Variants in GLS2 observed in about 807,000 individuals in gnomAD.
GLS2 encodes glutaminase liver isoform, mitochondrial.
In GLS2, 52 loss-of-function variants were observed where a neutral mutation model predicts 79.0. The observed-to-expected ratio is 0.66, with a 90% CI of 0.53 to 0.83. GLS2 has a LOEUF of 0.83. Among genes scored for constraint, GLS2 ranks in the 40% least tolerant of loss-of-function variants. The pLI is 0.00. For missense variants in GLS2, 561 were observed against 764.8 expected (o/e 0.73, Z 3.14); for synonymous variants, 238 against 280.8 (o/e 0.85, Z 1.52).
Position 56,488,130 on chromosome 12 carries a change from C to T in GLS2, c.-12G>A. On this transcript the variant is annotated 5_prime_UTR_variant, in exon 1 of 18. Coordinates refer to ENST00000311966, the MANE Select transcript of GLS2 (RefSeq NM_013267.4). ...TTCATGGAGCGCATGCCCCAGCAAG[C>T]CTCCGGCTCTGCAGGTGCGCCCGGG... 1 of 1,522,958 alleles carries T rather than the reference C, an allele frequency of 6.6e-7. No homozygotes were observed. Among genetic ancestry groups the T allele is most frequent in the Non-Finnish European group, 8.7e-7 (1 of 1,144,078 alleles). 94.3% of individuals were successfully genotyped at this position (1,522,958 alleles called of 1,614,324 possible).
At position 56,478,189 on chromosome 12, in the gene GLS2, C is replaced by G; in HGVS notation, c.608G>C (p.Gly203Ala). The G allele has an allele frequency of 1.2e-6, 2 of 1,614,226 alleles. No homozygotes were observed. Among genetic ancestry groups the G allele is most frequent in the South Asian group, 2.2e-5 (2 of 91,086 alleles). The change falls in exon 5 of 18, where the codon GGT (glycine) becomes GCT (alanine). Residue 203 changes from glycine to alanine, a missense_variant. Physicochemically the swap from Gly to Ala is moderately conservative, Grantham distance 60. Around this residue, in one of 4 missense-constraint regions of GLS2, gnomAD observed 221 missense variants for 275.6 expected, o/e 0.80. Coordinates refer to ENST00000311966, the MANE Select transcript of GLS2 (RefSeq NM_013267.4). Reference protein sequence around the residue: ...LWGVSLCTVDGQRHSVGHTKI... With the variant: ...LWGVSLCTVDAQRHSVGHTKI... ...CTCTTGCCCAGCATCTCACCGTTGA[C>G]CATCCACAGTGCACAGGGAGACACC... is the stretch of plus-strand genomic sequence containing the variant.
intron 1 of GLS2, 144 bp downstream of exon 1, chr12:56,487,793 C>A: frequency 1.9e-6 from 2 of 1,026,728 alleles, no homozygotes; most frequent in Non-Finnish European, 2.7e-6. Context: ...CAAAGCCCCA[C>A]ATCCAAAGGA....
chr12:56,471,889 G>T, intron 16 of GLS2, 53 bp from the exon 17 acceptor site: 1 of 1,571,474 alleles, frequency 6.4e-7, no homozygotes, highest in Non-Finnish European at 8.8e-7. Flanking sequence ...GAACCCTTTG[G>T]TGCAGACACT....
chr12:56,472,721 C>G lies in GLS2; in HGVS notation c.1480G>C (p.Ala494Pro). Residue 494 changes from alanine (A) to proline (P), a missense_variant, in exon 15 of 18, where the codon GCC (alanine) becomes CCC (proline). Coordinates refer to ENST00000311966, the MANE Select transcript of GLS2 (RefSeq NM_013267.4). ...AGAGCTGAGACATCGCCACTATAGG[C>G]AGCAAATAACAGGTTGACCACAGTC... ...NKTVVNLLFA[A>P]YSGDVSALRR... The G allele has an allele frequency of 1.9e-6, 3 of 1,613,830 alleles. No individual in the cohort carries two copies. The highest frequency in any genetic ancestry group is 2.5e-6 in the Non-Finnish European group (3 of 1,179,906).
At position 56,475,904 on chromosome 12, in the gene GLS2, T is replaced by C. The variant is rs370909086; in HGVS notation, c.870+41A>G. 1.2e-5 allele frequency: 19 copies of C among 1,610,842 alleles called. No homozygotes were observed. The African/African-American group carries it at 1.5e-4, about 12-fold the overall frequency. ...GGCAGCTGGAGAGGACAGCATGCCA[T>C]GGCGAAATGCAGCCAGGGGCTAAGT... On this transcript the variant is annotated intron_variant, in intron 8 of 17. Transcript: ENST00000311966.
At chr12:56,473,631 G>T in intron 12 of GLS2, 37 bp from the exon 13 acceptor site, 1 of 1,581,786 alleles carries the variant, frequency 6.3e-7, no homozygotes, top group Non-Finnish European at 8.6e-7. Flanking sequence ...TAAAGTGGGT[G>T]TGCCCCAAAT....
At position 56,479,039 on chromosome 12, in the gene GLS2, C is replaced by T; in HGVS notation, c.534+13G>A. The T allele has an allele frequency of 1.2e-6, 2 of 1,613,264 alleles. No individual in the cohort carries two copies. The highest frequency in any genetic ancestry group is 1.7e-6 in the Non-Finnish European group (2 of 1,179,662). ...CAGGTCCCTGACCCCTCCCTTAGTC[C>T]CCTGACTCTCACTTTGCCTCCAGTG... On this transcript the variant is annotated intron_variant, in intron 4 of 17. Transcript: ENST00000311966.
At chr12:56,478,340 C>A in intron 4 of GLS2, 78 bp from the exon 5 acceptor site, 1 of 1,474,264 alleles carries the variant, frequency 6.8e-7, no homozygotes, top group Non-Finnish European at 9.4e-7. Context: ...TCAAGAGAAT[C>A]TTTTAGATAA....
At chr12:56,476,077 G>A in intron 7 of GLS2, 100 bp from the exon 8 acceptor site, 2 of 1,162,450 alleles carry the variant, frequency 1.7e-6, no homozygotes, top group Non-Finnish European at 2.5e-6. Context: ...GTCTGGTCCT[G>A]CTGCTGCAAA....
chr12:56,483,063 TTTC>T (rs943960653), intron 1 of GLS2, among the ~76,000 whole-genome samples: 47 of 152,006 alleles, frequency 3.1e-4, no homozygotes, highest in African/African-American at 1.0e-3. Context: ...ATTGTTGTTT[TTTC>T]TTTTTTCTTT....
intron 12 of GLS2, 67 bp from the exon 13 acceptor site, chr12:56,473,661 G>A (rs1487262223): frequency 6.5e-7 from 1 of 1,536,880 alleles, no homozygotes; most frequent in Non-Finnish European, 8.8e-7. Context: ...AACAAGTTAG[G>A]CTGTACTCTT....
intron 1 of GLS2, among the ~76,000 whole-genome samples, chr12:56,483,293 C>G (rs973465721): frequency 6.6e-6 from 1 of 151,682 alleles, no homozygotes; most frequent in African/African-American, 2.4e-5. Flanking sequence ...GTTGGCCAGG[C>G]TGGTCTCGAA....
intron 4 of GLS2, 91 bp from the exon 5 acceptor site, chr12:56,478,353 G>A: frequency 7.2e-7 from 1 of 1,383,778 alleles, no homozygotes; most frequent in Non-Finnish European, 1.0e-6. Flanking sequence ...TTAGATAAAA[G>A]CTAAAATTCT....
intron 7 of GLS2, chr12:56,476,206 A>AT: frequency 2.5e-6 from 1 of 397,942 alleles, no homozygotes; most frequent in South Asian, 3.0e-5. Flanking sequence ...CTTGTCACCC[A>AT]GGCTGGAGTG....
intron 7 of GLS2, chr12:56,477,214 T>A (rs1869901023): frequency 6.5e-6 from 1 of 153,622 alleles, no homozygotes; most frequent in Non-Finnish European, 1.4e-5. Context: ...TCTGACACCC[T>A]GTTCAAGGCC....
At chr12:56,483,769 TA>T (rs1870483099) in intron 1 of GLS2, among the ~76,000 whole-genome samples, 3 of 152,270 alleles carry the variant, frequency 2.0e-5, no homozygotes, top group African/African-American at 7.2e-5. Flanking sequence ...TTTTTAAATT[TA>T]TTTTTTTATT....
In GLS2 at chr12:56,472,205, G is replaced by A; in HGVS notation, c.1512-10C>T. Reference sequence around the variant, plus strand: ...GGCTGACAAGGCAAACCTGAGGGTAGTGGGAAAGCAGCTAGAGTTGCCTAG... The same window carrying A: ...GGCTGACAAGGCAAACCTGAGGGTAATGGGAAAGCAGCTAGAGTTGCCTAG... On this transcript the variant is annotated splice_polypyrimidine_tract_variant and intron_variant, in intron 15 of 17. Coordinates refer to ENST00000311966, the MANE Select transcript of GLS2 (RefSeq NM_013267.4). 6.2e-7 allele frequency: 1 copy of A among 1,613,914 alleles called. No homozygotes were observed. Among genetic ancestry groups the A allele is most frequent in the Non-Finnish European group, 8.5e-7 (1 of 1,179,778 alleles).
At chr12:56,477,901 G>GTT (rs769963497) in intron 6 of GLS2, 32 bp downstream of exon 6, 18 of 1,600,834 alleles carry the variant, frequency 1.1e-5, no homozygotes, top group Non-Finnish European at 1.5e-5. Flanking sequence ...GGGGACAGCT[G>GTT]TAAGTACGGT....
At chr12:56,473,204 C>T (rs1171708433) in intron 14 of GLS2, 24 bp downstream of exon 14, 1 of 1,609,006 alleles carries the variant, frequency 6.2e-7, no homozygotes, top group Non-Finnish European at 8.5e-7. Context: ...AATATTCTTA[C>T]AAGCCACCTG....
Sources: allele counts gnomAD v4.1 joint callset (sites outside exome capture counted in the v4.1 genomes callset), GRCh38; gene constraint gnomAD v4.1.1; regional missense constraint gnomAD v4.1.1; transcripts MANE v1.5; gene names NCBI Gene and HGNC (gene_info 2026-07-23, HGNC 2026-07-21).